The following SLC35F2 variants were observed in gnomAD, a reference collection of about 807,000 sequenced individuals.
SLC35F2 encodes the protein solute carrier family 35 member F2.
SLC35F2 carries 25 observed loss-of-function variants against 38.1 expected under a neutral mutation model. The ratio of observed to expected loss-of-function variants is 0.66; its 90% CI spans 0.48 to 0.92. SLC35F2 has a LOEUF of 0.92. Among genes scored for constraint, SLC35F2 ranks in the 40% least tolerant of loss-of-function variants. The pLI is 0.00. For missense variants in SLC35F2, 409 were observed against 452.9 expected (o/e 0.90, Z 0.88); for synonymous variants, 173 against 181.7 (o/e 0.95, Z 0.38).
intron 1 of SLC35F2, among the ~76,000 whole-genome samples, chr11:107,840,248 A>G (rs1859993506): frequency 6.6e-6 from 1 of 152,156 alleles, no homozygotes; most frequent in African/African-American, 2.4e-5. Context: ...GCATAGGATT[A>G]GGGTTGGTAA....
In SLC35F2 at chr11:107,858,746, C is replaced by T. The variant is rs763980730; in HGVS notation, c.22G>A (p.Gly8Ser). 7.8e-7 allele frequency: 1 copy of T among 1,276,582 alleles called. No homozygotes were observed. Among genetic ancestry groups the T allele is most frequent in the East Asian group, 2.9e-5 (1 of 34,010 alleles). The allele number at this position is 1,276,582 out of a possible 1,614,324, so 79.1% of individuals were successfully genotyped here. Reference protein sequence around the residue: MEADSPAGPGAPEPLAEG... With the variant: MEADSPASPGAPEPLAEG... ...GCGAGGGGCTCTGGGGCGCCGGGGC[C>T]CGCTGGCGAGTCTGCCTCCATCGGC... Residue 8 changes from glycine (G) to serine (S), a missense_variant, in exon 1 of 8, where the codon GGC (glycine) becomes AGC (serine). Transcript: ENST00000525815.
At chr11:107,848,207 T>C (rs986101265) in intron 1 of SLC35F2, among the ~76,000 whole-genome samples, 4 of 152,130 alleles carry the variant, frequency 2.6e-5, no homozygotes, top group African/African-American at 9.7e-5. Context: ...TTTTATGTTA[T>C]GCATATTTTA....
intron 1 of SLC35F2, among the ~76,000 whole-genome samples, chr11:107,824,639 G>A (rs1195260520): frequency 1.3e-5 from 2 of 152,200 alleles, no homozygotes; most frequent in Non-Finnish European, 2.9e-5. Flanking sequence ...CTTTATTAGT[G>A]TTAGGTAGTT....
At position 107,806,806 on chromosome 11, in the gene SLC35F2, A is replaced by C; in HGVS notation, c.485T>G (p.Val162Gly). 1 of 1,614,076 alleles carries C rather than the reference A, an allele frequency of 6.2e-7. No individual in the cohort carries two copies. Among genetic ancestry groups the C allele is most frequent in the Non-Finnish European group, 8.5e-7 (1 of 1,179,940 alleles). The change falls in exon 4 of 8, where the codon GTG (valine) becomes GGG (glycine). Residue 162 changes from valine to glycine, a missense_variant. Coordinates refer to ENST00000525815, the MANE Select transcript of SLC35F2 (RefSeq NM_017515.5). ...GACAGCCACGGCGATGAAGTGGATCACTCTGTATCTTGCATGAAGAATAAA... is the reference window on the plus strand; with the variant it reads ...GACAGCCACGGCGATGAAGTGGATCCCTCTGTATCTTGCATGAAGAATAAA... ...SWFILHARYR[V>G]IHFIAVAVCL...
chr11:107,803,595 A>G, intron 6 of SLC35F2: 1 of 729,770 alleles, frequency 1.4e-6, no homozygotes, highest in Non-Finnish European at 1.7e-6. Flanking sequence ...AGAATAAAGT[A>G]TCTTTAAAGA....
chr11:107,820,497 G>T (rs991766531), intron 1 of SLC35F2, among the ~76,000 whole-genome samples: 17 of 152,046 alleles, frequency 1.1e-4, no homozygotes, highest in Admixed American at 2.6e-4. Flanking sequence ...TTAAACATCT[G>T]CTATCCCTCC....
At chr11:107,798,465 A>G (rs969170192) in intron 7 of SLC35F2, among the ~76,000 whole-genome samples, 33 of 152,214 alleles carry the variant, frequency 2.2e-4, no homozygotes, top group African/African-American at 7.7e-4. Context: ...AAGGCAGGTG[A>G]TTAAATGGAG....
chr11:107,807,023 C>T lies in SLC35F2; in HGVS notation c.415-147G>A, dbSNP rs1460191457. 4 of 652,618 alleles carry T rather than the reference C, an allele frequency of 6.1e-6. No homozygotes were observed. The South Asian group carries it at 8.3e-5, about 14-fold the overall frequency. The allele number at this position is 652,618 out of a possible 1,614,324, so 40.4% of individuals were successfully genotyped here. On this transcript the variant is annotated intron_variant, in intron 3 of 7. Coordinates refer to ENST00000525815, the MANE Select transcript of SLC35F2 (RefSeq NM_017515.5). ...TGCCAGCCCTGTACTAAGAGCTTTA[C>T]CTGGATTCACTCATTTAATCCTCAC... is the stretch of plus-strand genomic sequence containing the variant.
chr11:107,832,239 C>T (rs1046071441), intron 1 of SLC35F2, among the ~76,000 whole-genome samples: 5 of 152,146 alleles, frequency 3.3e-5, no homozygotes, highest in Non-Finnish European at 7.3e-5. Context: ...AGGATATTTC[C>T]AATCAAGACA....
chr11:107,843,888 T>A lies in SLC35F2; in HGVS notation c.110+14770A>T, dbSNP rs866457079. Among the ~76,000 whole-genome samples the A allele has an allele frequency of 5.1e-3, 435 of 85,260 alleles. 25 individuals carry two copies. Among genetic ancestry groups the A allele is most frequent in the Middle Eastern group, 0.011 (2 of 190 alleles). The allele number at this position is 85,260 out of a possible 152,430, so 55.9% of individuals were successfully genotyped here. A position where few individuals can be genotyped will look rare whatever the true frequency, so the allele number is the denominator to read the frequency against. On this transcript the variant is annotated intron_variant, in intron 1 of 7. Transcript: ENST00000525815. ...AAAAAAATATATATATATATATATA[T>A]ATATATATATATATATATATGTATA...
intron 1 of SLC35F2, among the ~76,000 whole-genome samples, chr11:107,817,636 C>A (rs1197024078): frequency 6.6e-6 from 1 of 152,170 alleles, no homozygotes; most frequent in Non-Finnish European, 1.5e-5. Context: ...CCCTCTGAAT[C>A]TCCAGCCTCA....
intron 1 of SLC35F2, among the ~76,000 whole-genome samples, chr11:107,825,176 T>C (rs921480354): frequency 6.6e-6 from 1 of 152,166 alleles, no homozygotes; most frequent in African/African-American, 2.4e-5. Flanking sequence ...TTTTTTGTTT[T>C]ATTCTATTTT....
rs112550403 is a variant in SLC35F2, at chr11:107,829,410, C to G, written c.111-13445G>C. Among the ~76,000 whole-genome samples the G allele has an allele frequency of 5.4e-3, 794 of 148,386 alleles. 6 individuals carry two copies. Among genetic ancestry groups the G allele is most frequent in the African/African-American group, 0.019 (755 of 39,216 alleles). On this transcript the variant is annotated intron_variant, in intron 1 of 7. Transcript: ENST00000525815. ...CTACAGTCTGGGTGACAGAGTGAGA[C>G]TACATCTCAAAAAAAAAAAAAACTT...
chr11:107,822,117 C>T (rs1591196335), intron 1 of SLC35F2, among the ~76,000 whole-genome samples: 1 of 152,146 alleles, frequency 6.6e-6, no homozygotes, highest in Admixed American at 6.5e-5. Context: ...GTGGCACATG[C>T]CTGTAATTCC....
At chr11:107,823,465 T>C (rs945031717) in intron 1 of SLC35F2, among the ~76,000 whole-genome samples, 2 of 152,120 alleles carry the variant, frequency 1.3e-5, no homozygotes, top group African/African-American at 4.8e-5. Context: ...CTGCCACCTG[T>C]AAATACCTGG....
chr11:107,814,899 A>G (rs1859542551), intron 2 of SLC35F2, among the ~76,000 whole-genome samples: 1 of 152,092 alleles, frequency 6.6e-6, no homozygotes, highest in Non-Finnish European at 1.5e-5. Flanking sequence ...GGAGCAAGGT[A>G]AGACCCGGAC....
chr11:107,822,407 A>C (rs1429573881), intron 1 of SLC35F2, among the ~76,000 whole-genome samples: 1 of 152,212 alleles, frequency 6.6e-6, no homozygotes, highest in Non-Finnish European at 1.5e-5. Context: ...TTCAGTCAGT[A>C]AGCTCCTCAG....
At chr11:107,809,526 G>C (rs1305357498) in intron 3 of SLC35F2, 1 of 204,750 alleles carries the variant, frequency 4.9e-6, no homozygotes, top group Non-Finnish European at 8.5e-6. Flanking sequence ...CAGCTGCTCA[G>C]GAGGCTAAGG....
chr11:107,811,529 T>C (rs1859479519), intron 3 of SLC35F2, 138 bp downstream of exon 3: 2 of 787,396 alleles, frequency 2.5e-6, no homozygotes, highest in African/African-American at 3.5e-5. Flanking sequence ...GCATATGCTC[T>C]ACTAGAAAAC....
Sources: gnomAD v4.1 joint callset for allele counts (sites outside exome capture counted in the v4.1 genomes callset) on GRCh38, gnomAD v4.1.1 for gene constraint, MANE v1.5 for transcripts, NCBI Gene and HGNC (gene_info 2026-07-23, HGNC 2026-07-21) for gene names.